The following PRKN variants were observed in gnomAD, a reference collection of about 807,000 sequenced individuals.
The protein encoded by PRKN is E3 ubiquitin-protein ligase parkin.
A neutral mutation model predicts 59.5 loss-of-function variants in PRKN; 56 were observed. The observed-to-expected ratio is 0.94, with a 90% CI of 0.76 to 1.18. PRKN has a LOEUF of 1.18. Among genes scored for constraint, PRKN ranks in the 50% most tolerant of loss-of-function variants. PRKN has a pLI of 0.00. For synonymous variants in PRKN, 250 were observed against 222.1 expected (o/e 1.13, Z -1.12); for missense variants, 657 against 596.4 (o/e 1.10, Z -1.06).
At chr6:162,287,107 A>G (rs1222334545) in intron 2 of PRKN, among the ~76,000 whole-genome samples, 1 of 152,206 alleles carries the variant, frequency 6.6e-6, no homozygotes, top group East Asian at 1.9e-4. Context: ...AATGGTACAG[A>G]TGTGTGAAAC....
At chr6:161,720,379 A>G (rs1787168765) in intron 7 of PRKN, among the ~76,000 whole-genome samples, 1 of 152,064 alleles carries the variant, frequency 6.6e-6, no homozygotes, top group Non-Finnish European at 1.5e-5. Context: ...AGAAATCTGA[A>G]CTTATGCATC....
intron 9 of PRKN, among the ~76,000 whole-genome samples, chr6:161,517,267 G>A (rs1017819803): frequency 4.6e-5 from 7 of 152,112 alleles, no homozygotes; most frequent in African/African-American, 1.2e-4. Context: ...AGGTTCATTC[G>A]TGTTGACCAA....
chr6:162,405,732 G>A (rs534891754), intron 2 of PRKN, among the ~76,000 whole-genome samples: 3 of 152,244 alleles, frequency 2.0e-5, no homozygotes, highest in South Asian at 4.1e-4. Context: ...GAGCCCAGAA[G>A]AAACGCTACG....
At chr6:162,658,755 T>A (rs2128227861) in intron 1 of PRKN, among the ~76,000 whole-genome samples, 1 of 149,550 alleles carries the variant, frequency 6.7e-6, no homozygotes, top group Admixed American at 6.6e-5. Context: ...ACTTAAATCA[T>A]CTACACATCC....
At chr6:162,627,913 A>T (rs1782958181) in intron 1 of PRKN, among the ~76,000 whole-genome samples, 1 of 152,114 alleles carries the variant, frequency 6.6e-6, no homozygotes, top group African/African-American at 2.4e-5. Flanking sequence ...TAAAAGAAAG[A>T]ACAGGAAAAC....
At chr6:161,585,941 T>C (rs1224489261) in intron 7 of PRKN, among the ~76,000 whole-genome samples, 1 of 152,150 alleles carries the variant, frequency 6.6e-6, no homozygotes, top group Non-Finnish European at 1.5e-5. Flanking sequence ...ATGTTCTCAG[T>C]CTCCATAAGG....
chr6:161,740,973 C>T (rs111694408), intron 7 of PRKN, among the ~76,000 whole-genome samples: 3,942 of 152,270 alleles, frequency 0.026, 181 homozygotes, highest in African/African-American at 0.091. Flanking sequence ...AAAATACTCA[C>T]GGACCTAGCT....
At chr6:161,806,359 C>T (rs1409046237) in intron 6 of PRKN, among the ~76,000 whole-genome samples, 1 of 152,180 alleles carries the variant, frequency 6.6e-6, no homozygotes, top group Non-Finnish European at 1.5e-5. Context: ...ACAGAGGCAG[C>T]GCATGATGTT....
intron 1 of PRKN, among the ~76,000 whole-genome samples, chr6:162,626,311 T>C (rs1044733276): frequency 6.6e-6 from 1 of 152,208 alleles, no homozygotes. Context: ...AGAGAATGAC[T>C]GTGCTATATT....
intron 6 of PRKN, among the ~76,000 whole-genome samples, chr6:161,930,574 A>G (rs537647539): frequency 6.6e-4 from 100 of 152,336 alleles, no homozygotes; most frequent in African/African-American, 2.3e-3. Context: ...GTAGAAACTC[A>G]TATGTATTGC....
chr6:161,848,893 G>A (rs1793308170), intron 6 of PRKN, among the ~76,000 whole-genome samples: 1 of 152,178 alleles, frequency 6.6e-6, no homozygotes, highest in Admixed American at 6.5e-5. Context: ...TCTGGAGCTG[G>A]TTTGGGCATG....
chr6:161,953,638 A>G (rs1780066306), intron 6 of PRKN, among the ~76,000 whole-genome samples: 1 of 152,150 alleles, frequency 6.6e-6, no homozygotes, highest in African/African-American at 2.4e-5. Flanking sequence ...GTACTGCTGC[A>G]AAGAGGTGCC....
intron 7 of PRKN, among the ~76,000 whole-genome samples, chr6:161,661,711 T>C (rs930798060): frequency 6.6e-6 from 1 of 152,210 alleles, no homozygotes; most frequent in Non-Finnish European, 1.5e-5. Context: ...GCCTGAAAGA[T>C]ACGTATTGAA....
At chr6:162,542,246 A>G (rs367830696) in intron 1 of PRKN, among the ~76,000 whole-genome samples, 17 of 152,116 alleles carry the variant, frequency 1.1e-4, no homozygotes, top group African/African-American at 4.1e-4. Context: ...TGCAGCAATG[A>G]AAACAACTGA....
intron 4 of PRKN, among the ~76,000 whole-genome samples, chr6:162,116,588 C>T (rs916998314): frequency 6.6e-6 from 1 of 152,160 alleles, no homozygotes; most frequent in African/African-American, 2.4e-5. Flanking sequence ...ATCCTGTATA[C>T]GTTTACGCTG....
At chr6:162,184,724 T>C (rs1205144373) in intron 4 of PRKN, among the ~76,000 whole-genome samples, 1 of 152,142 alleles carries the variant, frequency 6.6e-6, no homozygotes, top group East Asian at 1.9e-4. Context: ...TCCAGCCTCC[T>C]TTGACTTCCC....
intron 7 of PRKN, chr6:161,716,079 T>G (rs1410055830): frequency 7.5e-7 from 1 of 1,341,736 alleles, no homozygotes; most frequent in African/African-American, 1.5e-5. Context: ...TCTTACCGAC[T>G]CCTCTCCTGA....
At chr6:161,661,392 T>A (rs1051989219) in intron 7 of PRKN, among the ~76,000 whole-genome samples, 1 of 152,130 alleles carries the variant, frequency 6.6e-6, no homozygotes, top group Non-Finnish European at 1.5e-5. Flanking sequence ...CAGCTCCATC[T>A]GCCTGGAACT....
intron 6 of PRKN, among the ~76,000 whole-genome samples, chr6:161,906,464 T>C (rs994258327): frequency 6.6e-6 from 1 of 151,990 alleles, no homozygotes; most frequent in African/African-American, 2.4e-5. Flanking sequence ...TGCTGTAGCT[T>C]AAGGGACCTC....
Sources: allele counts gnomAD v4.1 joint callset (sites outside exome capture counted in the v4.1 genomes callset), GRCh38; gene constraint gnomAD v4.1.1; transcripts MANE v1.5; gene names NCBI Gene and HGNC (gene_info 2026-07-23, HGNC 2026-07-21).